The following BIN3 variants were observed in gnomAD, a reference collection of about 807,000 sequenced individuals.
The protein encoded by BIN3 is bridging integrator 3.
In BIN3, 41 loss-of-function variants were observed where a neutral mutation model predicts 38.2. The ratio of observed to expected loss-of-function variants is 1.07; its 90% CI spans 0.84 to 1.39. BIN3 has a LOEUF of 1.39. BIN3 is among the 40% of genes most tolerant of loss of function. BIN3 has a pLI of 0.00. For missense variants in BIN3, 361 were observed against 324.3 expected (o/e 1.11, Z -0.87); for synonymous variants, 145 against 122.6 (o/e 1.18, Z -1.21).
intron 1 of BIN3, among the ~76,000 whole-genome samples, chr8:22,665,449 C>T (rs188908755): frequency 2.2e-4 from 34 of 152,272 alleles, no homozygotes; most frequent in Admixed American, 1.4e-3. Flanking sequence ...AACCAGCCAG[C>T]GGAGTACAGA....
chr8:22,626,753 T>C (rs1240164536), intron 6 of BIN3, among the ~76,000 whole-genome samples: 1 of 152,116 alleles, frequency 6.6e-6, no homozygotes, highest in African/African-American at 2.4e-5. Flanking sequence ...GTGCGCAAGG[T>C]GGCTTCCACG....
At chr8:22,637,329 G>C (rs1385322413) in intron 2 of BIN3, among the ~76,000 whole-genome samples, 2 of 152,210 alleles carry the variant, frequency 1.3e-5, no homozygotes, top group Non-Finnish European at 2.9e-5. Context: ...GCAGAGTGCA[G>C]AGGAGAGGGC....
At chr8:22,630,607 T>C in intron 4 of BIN3, 29 bp from the exon 5 acceptor site, 1 of 1,612,560 alleles carries the variant, frequency 6.2e-7, no homozygotes, top group Non-Finnish European at 8.5e-7. Context: ...CGGTGAACCT[T>C]CTATGAAGGG....
Position 22,630,638 on chromosome 8 carries a change from T to G in BIN3, c.161-60A>C. 3.8e-6 allele frequency: 6 copies of G among 1,594,568 alleles called. 1 individual carries two copies. Among genetic ancestry groups the G allele is most frequent in the Non-Finnish European group, 5.1e-6 (6 of 1,167,356 alleles). On this transcript the variant is annotated intron_variant, in intron 4 of 8. Transcript: ENST00000276416. ...AAGGGGCAGGTTTCACGGCCTTCTC[T>G]CCAGGACCCCGTCCTCCTATGCCAG...
chr8:22,621,601 G>C (rs1335593135), intron 8 of BIN3, 33 bp from the exon 9 acceptor site: 2 of 1,607,058 alleles, frequency 1.2e-6, no homozygotes, highest in Non-Finnish European at 1.7e-6. Flanking sequence ...GCACGTGCTG[G>C]CTCCAGGGAA....
At chr8:22,625,148 A>T (rs1801964165) in intron 6 of BIN3, 1 of 584,906 alleles carries the variant, frequency 1.7e-6, no homozygotes, top group African/African-American at 1.9e-5. Context: ...AGTGGCCCTC[A>T]GAGAGAGCAG....
intron 4 of BIN3, among the ~76,000 whole-genome samples, chr8:22,635,327 C>T (rs997861030): frequency 3.3e-5 from 5 of 152,164 alleles, no homozygotes; most frequent in African/African-American, 7.2e-5. Context: ...AAGCTCCCAT[C>T]TTGTCTTGCT....
chr8:22,646,382 C>A (rs917986670), intron 1 of BIN3, among the ~76,000 whole-genome samples: 3 of 152,128 alleles, frequency 2.0e-5, no homozygotes, highest in African/African-American at 7.2e-5. Flanking sequence ...TCCACCAGGC[C>A]CACATCCCAC....
rs1803379464 is a variant in BIN3 at position 22,665,266 on chromosome 8, T to G, written c.8+3778A>C. Among the ~76,000 whole-genome samples the G allele has an allele frequency of 2.0e-5, 3 of 152,170 alleles. No individual in the cohort carries two copies. The South Asian group carries it at 6.2e-4, about 32-fold the overall frequency. On this transcript the variant is annotated intron_variant, in intron 1 of 8. Coordinates refer to ENST00000276416, the MANE Select transcript of BIN3 (RefSeq NM_018688.6). ...GCTCTTCATTTTAGGAAGTGGTTTG[T>G]AGGTTCTGCAAGTTTTTATCTTAAC...
chr8:22,633,771 G>A (rs1254864511), intron 4 of BIN3, among the ~76,000 whole-genome samples: 1 of 152,246 alleles, frequency 6.6e-6, no homozygotes, highest in African/African-American at 2.4e-5. Flanking sequence ...GTTGGAGGCT[G>A]GAGGTGGGGC....
chr8:22,637,184 A>C (rs1471320156), intron 2 of BIN3, among the ~76,000 whole-genome samples: 1 of 152,196 alleles, frequency 6.6e-6, no homozygotes, highest in Non-Finnish European at 1.5e-5. Flanking sequence ...CAGAGGGTCC[A>C]GCCAGGCAGG....
Position 22,621,322 on chromosome 8 carries a change from A to C in BIN3, c.*100T>G. 6.9e-7 allele frequency: 1 copy of C among 1,444,646 alleles called. No homozygotes were observed. Among genetic ancestry groups the C allele is most frequent in the Non-Finnish European group, 9.2e-7 (1 of 1,082,624 alleles). The allele number at this position is 1,444,646 out of a possible 1,614,324, so 89.5% of individuals were successfully genotyped here. A position where few individuals can be genotyped will look rare whatever the true frequency, so the allele number is the denominator to read the frequency against. ...AAGGGCCGGCAAGTGAACCAGGGCC[A>C]CCTCTGTCCCCAGCCTGTGAGAGGA... is the stretch of plus-strand genomic sequence containing the variant. On this transcript the variant is annotated 3_prime_UTR_variant, in exon 9 of 9. Coordinates refer to ENST00000276416, the MANE Select transcript of BIN3 (RefSeq NM_018688.6).
At chr8:22,667,400 C>A (rs578056662) in intron 1 of BIN3, among the ~76,000 whole-genome samples, 1 of 152,278 alleles carries the variant, frequency 6.6e-6, no homozygotes, top group African/African-American at 2.4e-5. Context: ...TGCTCTTCTC[C>A]CAACTTGTGA....
At chr8:22,638,021 C>CTGTG (rs1317320241) in intron 2 of BIN3, among the ~76,000 whole-genome samples, 1 of 152,170 alleles carries the variant, frequency 6.6e-6, no homozygotes, top group Non-Finnish European at 1.5e-5. Flanking sequence ...GGCTCCACAG[C>CTGTG]CTGTGTTCGT....
chr8:22,657,777 C>T (rs891313119), intron 1 of BIN3, among the ~76,000 whole-genome samples: 3 of 152,238 alleles, frequency 2.0e-5, no homozygotes, highest in Admixed American at 1.3e-4. Flanking sequence ...CCTCTTCTTC[C>T]CTTGAGTCCC....
Position 22,644,774 on chromosome 8 carries a change from T to C in BIN3, c.38A>G (p.Lys13Arg). The change falls in exon 2 of 9, where the codon AAA becomes AGA. Residue 13 changes from lysine (K) to arginine (R), a missense_variant. Coordinates refer to ENST00000276416, the MANE Select transcript of BIN3 (RefSeq NM_018688.6). ...ACTCACTGTTTTGGGCACAATCTGT[T>C]TCTTGGGCTGCCCAATCTTAAAAGG... ...WIPFKIGQPK[K>R]QIVPKTVERD... The C allele has an allele frequency of 1.2e-6, 2 of 1,612,040 alleles. No individual in the cohort carries two copies. Among genetic ancestry groups the C allele is most frequent in the Non-Finnish European group, 1.7e-6 (2 of 1,178,954 alleles).
chr8:22,647,318 T>A (rs1802744566), intron 1 of BIN3, among the ~76,000 whole-genome samples: 1 of 152,214 alleles, frequency 6.6e-6, no homozygotes, highest in South Asian at 2.1e-4. Context: ...TAATTTAGTA[T>A]CACGGTATTT....
chr8:22,657,349 A>AAAAAC (rs1803089350), intron 1 of BIN3, among the ~76,000 whole-genome samples: 1 of 152,242 alleles, frequency 6.6e-6, no homozygotes, highest in South Asian at 2.1e-4. Flanking sequence ...TGTGTAACCA[A>AAAAAC]AAAACAAAAC....
chr8:22,653,585 A>G (rs935068542), intron 1 of BIN3, among the ~76,000 whole-genome samples: 2 of 152,236 alleles, frequency 1.3e-5, no homozygotes, highest in African/African-American at 4.8e-5. Context: ...ACGTACAGTT[A>G]AAACAGTATA....
Sources: gnomAD v4.1 joint callset for allele counts (sites outside exome capture counted in the v4.1 genomes callset) on GRCh38, gnomAD v4.1.1 for gene constraint, MANE v1.5 for transcripts, NCBI Gene and HGNC (gene_info 2026-07-23, HGNC 2026-07-21) for gene names.